Variants in PPP4R1 observed in about 807,000 individuals in gnomAD.
PPP4R1 encodes serine/threonine-protein phosphatase 4 regulatory subunit 1.
In PPP4R1, 42 loss-of-function variants were observed where a neutral mutation model predicts 111.2. That is an observed-to-expected ratio of 0.38 (90% CI 0.29 to 0.49). The LOEUF (loss-of-function observed/expected upper bound fraction) is 0.49. Ranked by LOEUF, PPP4R1 falls within the 20% of genes least tolerant of loss-of-function variation. The probability of loss-of-function intolerance (pLI) is 0.97; values close to 1 mark genes in which losing one functional copy is unlikely to be tolerated. For missense variants in PPP4R1, 1,012 were observed against 1,161.6 expected (o/e 0.87, Z 1.87); for synonymous variants, 409 against 405.5 (o/e 1.01, Z -0.10).
At chr18:9,580,311 G>T (rs181907252) in intron 9 of PPP4R1, among the ~76,000 whole-genome samples, 18 of 150,832 alleles carry the variant, frequency 1.2e-4, no homozygotes, top group Non-Finnish European at 1.5e-5. Context: ...AAAGAAAACT[G>T]ACAAAATGTA....
intron 2 of PPP4R1, among the ~76,000 whole-genome samples, chr18:9,598,655 C>G (rs1437399446): frequency 1.3e-5 from 2 of 152,074 alleles, no homozygotes; most frequent in Non-Finnish European, 2.9e-5. Context: ...AATAATAAAG[C>G]AAACCATTCC....
In PPP4R1 at chr18:9,550,913, T is replaced by C. The variant is rs117323460; in HGVS notation, c.2292-515A>G. 790 of 153,044 alleles carry C rather than the reference T, an allele frequency of 5.2e-3. 1 individual carries two copies. The highest frequency in any genetic ancestry group is 8.3e-3 in the Non-Finnish European group (569 of 68,622). 9.5% of individuals were successfully genotyped at this position (153,044 alleles called of 1,614,324 possible). ...CATCTGAGGGGCCCTGAGACTTTCA[T>C]GACATCTACCAAGCTAACCTGAAAG... On this transcript the variant is annotated intron_variant, in intron 16 of 19. Transcript: ENST00000400556.
intron 6 of PPP4R1, 83 bp downstream of exon 6, chr18:9,588,006 C>T (rs907623536): frequency 6.5e-5 from 99 of 1,520,788 alleles, no homozygotes; most frequent in Non-Finnish European, 7.5e-5. Flanking sequence ...CATGAGCCAC[C>T]GTGCCTAACC....
intron 12 of PPP4R1, 109 bp from the exon 13 acceptor site, chr18:9,562,184 T>C (rs1327631855): frequency 1.3e-6 from 1 of 748,208 alleles, no homozygotes; most frequent in African/African-American, 1.8e-5. Flanking sequence ...AATAAACATA[T>C]AAATTCCTCA....
intron 11 of PPP4R1, among the ~76,000 whole-genome samples, chr18:9,566,986 G>A (rs1159987803): frequency 6.6e-6 from 1 of 152,208 alleles, no homozygotes; most frequent in South Asian, 2.1e-4. Context: ...CCATTCTGCA[G>A]CCCAAGGATC....
In PPP4R1 at chr18:9,614,162, G is replaced by GCCGC; in HGVS notation, c.52+60_52+63dup. 2 of 1,260,314 alleles carry GCCGC rather than the reference G, an allele frequency of 1.6e-6. No homozygotes were observed. The highest frequency in any genetic ancestry group is 2.0e-6 in the Non-Finnish European group (2 of 986,910). The allele number at this position is 1,260,314 out of a possible 1,614,324, so 78.1% of individuals were successfully genotyped here. A position where few individuals can be genotyped will look rare whatever the true frequency, so the allele number is the denominator to read the frequency against. ...GCCAGGGCCCGGCCCAGGCCTCGCC[G>GCCGC]CCGCCCGCCCTCCCCGGCCGCTCCC... On this transcript the variant is annotated intron_variant, in intron 2 of 19. Transcript: ENST00000400556. The surrounding 1 kb of genome is among the most constrained non-coding windows in gnomAD (Gnocchi z 4.1).
intron 2 of PPP4R1, among the ~76,000 whole-genome samples, chr18:9,613,209 T>C (rs1217666070): frequency 6.6e-6 from 1 of 152,230 alleles, no homozygotes; most frequent in East Asian, 1.9e-4. Context: ...TCCCATGATC[T>C]TCGCTTATAT....
intron 9 of PPP4R1, among the ~76,000 whole-genome samples, chr18:9,582,104 C>T (rs1344863027): frequency 6.6e-6 from 1 of 151,862 alleles, no homozygotes; most frequent in African/African-American, 2.4e-5. Context: ...GGAAGGAAGA[C>T]CTCTAATCCA....
intron 2 of PPP4R1, among the ~76,000 whole-genome samples, chr18:9,600,619 A>T (rs1319423069): frequency 6.6e-6 from 1 of 152,218 alleles, no homozygotes; most frequent in African/African-American, 2.4e-5. Flanking sequence ...CACGCCAATA[A>T]TCCCAGCACT....
At chr18:9,600,305 T>C (rs1008484930) in intron 2 of PPP4R1, among the ~76,000 whole-genome samples, 17 of 147,864 alleles carry the variant, frequency 1.1e-4, no homozygotes, top group African/African-American at 3.7e-4. Flanking sequence ...TACTAAAAAA[T>C]ATTCAGCTAA....
rs2066847751 is a variant in PPP4R1, at chr18:9,570,663, G to C, written c.1067C>G (p.Pro356Arg). The C allele has an allele frequency of 6.4e-7, 1 of 1,561,862 alleles. No individual in the cohort carries two copies. Among genetic ancestry groups the C allele is most frequent in the Admixed American group, 2.0e-5 (1 of 50,336 alleles). Residue 356 changes from proline (P) to arginine (R), a missense_variant, in exon 11 of 20, where the codon CCA becomes CGA. This residue lies in a region of PPP4R1 where 707 missense variants were observed against 742.1 expected (regional missense o/e 0.95). Transcript: ENST00000400556. ...CTCTGGCCTGACTTGTACATCCTCT[G>C]GGGCTTCTTGATCTCTGGTCCTTTT... is the stretch of plus-strand genomic sequence containing the variant. ...NKNRTRDQEAPEDVQVRPEDT... is the reference protein window; with the variant it reads ...NKNRTRDQEAREDVQVRPEDT...
At chr18:9,581,541 A>G (rs902476517) in intron 9 of PPP4R1, among the ~76,000 whole-genome samples, 8 of 98,204 alleles carry the variant, frequency 8.1e-5, no homozygotes, top group Admixed American at 6.9e-4. Flanking sequence ...AGAGAGGGGG[A>G]AAAAATTGAG....
intron 9 of PPP4R1, among the ~76,000 whole-genome samples, chr18:9,579,824 C>A (rs574920071): frequency 2.6e-5 from 4 of 152,226 alleles, no homozygotes; most frequent in Admixed American, 6.5e-5. Context: ...AGGTTATATG[C>A]AAATACTATG....
chr18:9,577,246 A>G, intron 9 of PPP4R1, 55 bp from the exon 10 acceptor site: 2 of 1,491,710 alleles, frequency 1.3e-6, no homozygotes, highest in South Asian at 1.2e-5. Context: ...AGAATTATAT[A>G]CGCACACATT....
intron 13 of PPP4R1, among the ~76,000 whole-genome samples, chr18:9,561,640 GAGGAA>G (rs1375232559): frequency 6.6e-6 from 1 of 152,166 alleles, no homozygotes; most frequent in East Asian, 1.9e-4. Flanking sequence ...ATGTGAACAA[GAGGAA>G]ATACCTAGGT....
chr18:9,616,642 G>C (rs2067691373), upstream of PPP4R1, among the ~76,000 whole-genome samples: 1 of 152,146 alleles, frequency 6.6e-6, no homozygotes, highest in Non-Finnish European at 1.5e-5. Flanking sequence ...TGCCAACTGT[G>C]CTTCAGCCGC....
intron 2 of PPP4R1, among the ~76,000 whole-genome samples, chr18:9,597,002 T>TA (rs1371488497): frequency 2.0e-5 from 3 of 152,198 alleles, no homozygotes; most frequent in African/African-American, 7.2e-5. Flanking sequence ...GGCATGCTGA[T>TA]AGTGTCTGTA....
chr18:9,613,772 AG>A, intron 2 of PPP4R1: 1 of 152,752 alleles, frequency 6.5e-6, no homozygotes, highest in African/African-American at 2.4e-5. Flanking sequence ...GCCGGGGCCC[AG>A]GCTGACCCCC....
At chr18:9,588,905 C>T (rs373000371) in intron 4 of PPP4R1, 52 bp from the exon 5 acceptor site, 7 of 1,590,014 alleles carry the variant, frequency 4.4e-6, no homozygotes, top group African/African-American at 4.1e-5. Context: ...AGCAACAAAA[C>T]CTTTATCTGT....
Sources: allele counts gnomAD v4.1 joint callset (sites outside exome capture counted in the v4.1 genomes callset), GRCh38; gene constraint gnomAD v4.1.1; regional missense constraint gnomAD v4.1.1; non-coding constraint Gnocchi (gnomAD v3.1); transcripts MANE v1.5; gene names NCBI Gene and HGNC (gene_info 2026-07-23, HGNC 2026-07-21).